SKOR1: variants seen among roughly 807,000 people sequenced by gnomAD.
SKOR1 encodes the protein LBX1 corepressor 1.
SKOR1 carries 38 observed loss-of-function variants against 72.4 expected under a neutral mutation model. The observed-to-expected ratio is 0.52, with a 90% CI of 0.40 to 0.69. The LOEUF (loss-of-function observed/expected upper bound fraction) is 0.69. Among genes scored for constraint, SKOR1 ranks in the 30% least tolerant of loss-of-function variants. The pLI is 0.00. For synonymous variants in SKOR1, 642 were observed against 599.4 expected, an observed-to-expected ratio of 1.07 and a Z score of -1.04; for missense variants, 1,320 against 1,343.2, an observed-to-expected ratio of 0.98 and a Z score of 0.27.
At position 67,827,877 on chromosome 15, in the gene SKOR1, C is replaced by T. The variant is rs748485568; in HGVS notation, c.2049C>T (p.Pro683=). The T allele has an allele frequency of 1.2e-6, 2 of 1,601,290 alleles. No individual in the cohort carries two copies. The highest frequency in any genetic ancestry group is 1.7e-5 in the Admixed American group (1 of 58,206). ...DAQEETEPSA[P]SAGGGPDGEQ... is the part of the protein sequence containing the mutation. ...AAGAGGAGACCGAGCCCAGCGCACC[C>T]AGCGCAGGGGGCGGCCCAGACGGTG... Residue 683 remains proline, a synonymous_variant, in exon 2 of 9, where the codon CCC becomes CCT. Transcript: ENST00000380035.
At position 67,827,998 on chromosome 15, in the gene SKOR1, G is replaced by T; in HGVS notation, c.2170G>T (p.Gly724Trp). ...GGSPRPRRRL[G>W]PPPAGRPAFG... is the part of the protein sequence containing the mutation. ...CAGCCCCCGCCCCCGGCGCCGCCTC[G>T]GGCCACCCCCAGCTGGCCGGCCCGC... The change falls in exon 2 of 9, where the codon GGG becomes TGG. Residue 724 changes from glycine to tryptophan, a missense_variant. Physicochemically the swap from Gly to Trp is radical, Grantham distance 184. This residue lies in a region of SKOR1 where 1,099 missense variants were observed against 1,025.5 expected (regional missense o/e 1.07). Coordinates refer to ENST00000380035, the MANE Select transcript of SKOR1 (RefSeq NM_001365915.1). The T allele has an allele frequency of 6.5e-7, 1 of 1,539,090 alleles. No individual in the cohort carries two copies.
intron 5 of SKOR1, among the ~76,000 whole-genome samples, chr15:67,831,408 G>T (rs2091006820): frequency 6.6e-6 from 1 of 152,194 alleles, no homozygotes; most frequent in African/African-American, 2.4e-5. Context: ...GGGGATCCCT[G>T]TGTTACTGCT....
At chr15:67,828,196 C>A in intron 2 of SKOR1, 52 bp downstream of exon 2, 1 of 1,379,764 alleles carries the variant, frequency 7.2e-7, no homozygotes, top group Non-Finnish European at 9.3e-7. Context: ...ACCCTGTGCG[C>A]GGCAGGGCTG....
intron 3 of SKOR1, 47 bp downstream of exon 3, chr15:67,829,316 A>C: frequency 6.8e-7 from 1 of 1,465,006 alleles, no homozygotes; most frequent in African/African-American, 1.4e-5. Flanking sequence ...GGAACCGCAG[A>C]CAGAGGGCCG....
chr15:67,833,304 C>T lies in SKOR1; in HGVS notation c.2803+47C>T. The T allele has an allele frequency of 6.3e-7, 1 of 1,593,212 alleles. No individual in the cohort carries two copies. Among genetic ancestry groups the T allele is most frequent in the Non-Finnish European group, 8.6e-7 (1 of 1,162,048 alleles). ...GATAGGAGGGGTGCTGGGTGCCGGC[C>T]GTGCTGTCGACTGAATGAATGAATA... On this transcript the variant is annotated intron_variant, in intron 8 of 8. Coordinates refer to ENST00000380035, the MANE Select transcript of SKOR1 (RefSeq NM_001365915.1). The surrounding 1 kb of genome is among the most constrained non-coding windows in gnomAD (Gnocchi z 6.0).
At position 67,833,100 on chromosome 15, in the gene SKOR1, A is replaced by C; in HGVS notation, c.2738-92A>C. On this transcript the variant is annotated intron_variant, in intron 7 of 8. Transcript: ENST00000380035. This position sits in a 1 kb window ranked among gnomAD's most constrained non-coding sequence, Gnocchi z 6.0. ...CTGGAGTTGTTTCTGCGCGGAGCTT[A>C]GCCCTGGGGAGAGGAGGAAGCCCGG... 7.4e-7 allele frequency: 1 copy of C among 1,356,838 alleles called. No individual in the cohort carries two copies. Among genetic ancestry groups the C allele is most frequent in the Non-Finnish European group, 1.0e-6 (1 of 957,484 alleles). The allele number at this position is 1,356,838 out of a possible 1,614,324, so 84.0% of individuals were successfully genotyped here. A position where few individuals can be genotyped will look rare whatever the true frequency, so the allele number is the denominator to read the frequency against.
rs571472667 is a variant in SKOR1, at chr15:67,828,182, A to T, written c.2316+38A>T. ...CCCGCCCCGCCAGTGGCGCCTTCCCACCTACCCTGTGCGCGGCAGGGCTGC... is the reference window on the plus strand; with the variant it reads ...CCCGCCCCGCCAGTGGCGCCTTCCCTCCTACCCTGTGCGCGGCAGGGCTGC... On this transcript the variant is annotated intron_variant, in intron 2 of 8. Coordinates refer to ENST00000380035, the MANE Select transcript of SKOR1 (RefSeq NM_001365915.1). The T allele has an allele frequency of 4.7e-5, 66 of 1,400,158 alleles. 1 individual carries two copies. In the Admixed American group the frequency reaches 2.3e-3, roughly 48 times the overall value. The allele number at this position is 1,400,158 out of a possible 1,614,324, so 86.7% of individuals were successfully genotyped here.
chr15:67,832,324 G>A lies in SKOR1; in HGVS notation c.2638G>A (p.Glu880Lys). The A allele has an allele frequency of 6.2e-7, 1 of 1,614,152 alleles. No individual in the cohort carries two copies. Among genetic ancestry groups the A allele is most frequent in the Non-Finnish European group, 8.5e-7 (1 of 1,180,030 alleles). ...LEQMELRKKL[E>K]REFQSLKDNF... ...ACAAATGGAGCTCCGCAAGAAGCTG[G>A]AACGGGAATTTCAGAGTCTCAAAGG... Residue 880 changes from glutamate to lysine, a missense_variant, in exon 6 of 9, where the codon GAA (glutamate) becomes AAA (lysine). Glu to Lys is a moderately conservative substitution (Grantham distance 56). This residue lies in a region of SKOR1 where 1,099 missense variants were observed against 1,025.5 expected (regional missense o/e 1.07). Transcript: ENST00000380035. This position sits in a 1 kb window ranked among gnomAD's most constrained non-coding sequence, Gnocchi z 4.5.
At chr15:67,831,910 G>GGGGGGGGGGC (rs2091010978) in intron 5 of SKOR1, among the ~76,000 whole-genome samples, 4 of 147,466 alleles carry the variant, frequency 2.7e-5, no homozygotes, top group African/African-American at 1.0e-4. Flanking sequence ...GTGCGGGGGG[G>GGGGGGGGGGC]GGAGGTCGGG....
rs551680898 is a variant in SKOR1, at chr15:67,827,152, G to A, written c.1324G>A (p.Gly442Arg). The A allele has an allele frequency of 1.5e-6, 2 of 1,359,140 alleles. No homozygotes were observed. The highest frequency in any genetic ancestry group is 2.0e-5 in the South Asian group (1 of 50,992). The allele number at this position is 1,359,140 out of a possible 1,614,324, so 84.2% of individuals were successfully genotyped here. The change falls in exon 2 of 9, where the codon GGA becomes AGA. Residue 442 changes from glycine to arginine, a missense_variant. This residue lies in a region of SKOR1 where 1,099 missense variants were observed against 1,025.5 expected (regional missense o/e 1.07). Coordinates refer to ENST00000380035, the MANE Select transcript of SKOR1 (RefSeq NM_001365915.1). ...AGTGGGAGGP[G>R]ASHLPPGAGA... Reference sequence around the variant, plus strand: ...GACAGGCGGGGGTGCGGGGGGCCCGGGAGCCAGCCACTTGCCCCCGGGGGC... The same window carrying A: ...GACAGGCGGGGGTGCGGGGGGCCCGAGAGCCAGCCACTTGCCCCCGGGGGC...
In SKOR1 at chr15:67,825,954, T is replaced by C; in HGVS notation, c.126T>C (p.Ala42=). The C allele has an allele frequency of 6.6e-7, 1 of 1,519,670 alleles. No individual in the cohort carries two copies. The highest frequency in any genetic ancestry group is 8.8e-7 in the Non-Finnish European group (1 of 1,135,928). 94.1% of individuals were successfully genotyped at this position (1,519,670 alleles called of 1,614,324 possible). A position where few individuals can be genotyped will look rare whatever the true frequency, so the allele number is the denominator to read the frequency against. The part of the protein sequence containing the change: ...RAFLRSGGME[A]LTTQLGPGRE... ...TTCGCAGGAGCGGCGGCATGGAGGC[T>C]CTCACCACTCAGCTGGGGCCGGGGC... Residue 42 remains alanine (A), a synonymous_variant, in exon 2 of 9, where the codon GCT becomes GCC. Transcript: ENST00000380035. This position sits in a 1 kb window ranked among gnomAD's most constrained non-coding sequence, Gnocchi z 5.6.
In SKOR1 at chr15:67,827,459, AGAGTGGCCTCGGCGCGGAG is replaced by A; in HGVS notation, c.1635_1653del (p.Gly546AlafsTer83). 1 of 1,521,984 alleles carries A rather than the reference AGAGTGGCCTCGGCGCGGAG, an allele frequency of 6.6e-7. No individual in the cohort carries two copies. Among genetic ancestry groups the A allele is most frequent in the South Asian group, 1.2e-5 (1 of 82,888 alleles). 94.3% of individuals were successfully genotyped at this position (1,521,984 alleles called of 1,614,324 possible). A position where few individuals can be genotyped will look rare whatever the true frequency, so the allele number is the denominator to read the frequency against. On this transcript the variant is annotated frameshift_variant, in exon 2 of 9. Coordinates refer to ENST00000380035, the MANE Select transcript of SKOR1 (RefSeq NM_001365915.1). LOFTEE classifies it high-confidence loss of function. Reference sequence around the variant, plus strand: ...CTGGACGGTGCCGAGCCAGCCAAAGAGAGTGGCCTCGGCGCGGAGGAGCGCTGCCCGAGCGCTCTGTCCC... The same window carrying A: ...CTGGACGGTGCCGAGCCAGCCAAAGAGAGCGCTGCCCGAGCGCTCTGTCCC...
Position 67,829,294 on chromosome 15 carries a change from C to T in SKOR1, c.2407+25C>T, listed in dbSNP as rs961283411. ...GGTAACGCCTGTCGCGGCCGCTGGC[C>T]ACTGTAATGGGGGAACCGCAGACAG... On this transcript the variant is annotated intron_variant, in intron 3 of 8. Transcript: ENST00000380035. The T allele has an allele frequency of 6.5e-6, 10 of 1,529,298 alleles. No homozygotes were observed. In the Middle Eastern group the frequency reaches 5.1e-4, roughly 79 times the overall value. 94.7% of individuals were successfully genotyped at this position (1,529,298 alleles called of 1,614,324 possible).
Position 67,825,977 on chromosome 15 carries a change from G to T in SKOR1, c.149G>T (p.Gly50Val). The T allele has an allele frequency of 1.3e-6, 2 of 1,526,620 alleles. No homozygotes were observed. Among genetic ancestry groups the T allele is most frequent in the East Asian group, 4.5e-5 (2 of 44,092 alleles). The allele number at this position is 1,526,620 out of a possible 1,614,324, so 94.6% of individuals were successfully genotyped here. ...GCTCTCACCACTCAGCTGGGGCCGG[G>T]GCGCGAGGGCAGTTCCTCGCCCAAC... ...MEALTTQLGP[G>V]REGSSSPNSK... is the part of the protein sequence containing the mutation. Residue 50 changes from glycine (G) to valine (V), a missense_variant, in exon 2 of 9, where the codon GGG becomes GTG. Around this residue, in one of 3 missense-constraint regions of SKOR1, gnomAD observed 120 missense variants for 104.9 expected, o/e 1.14. Transcript: ENST00000380035. The surrounding 1 kb of genome is among the most constrained non-coding windows in gnomAD (Gnocchi z 5.6).
rs907890097 is a variant in SKOR1, at chr15:67,832,664, A to G, written c.2720A>G (p.Gln907Arg). The G allele has an allele frequency of 3.1e-6, 5 of 1,614,014 alleles. No homozygotes were observed. Among genetic ancestry groups the G allele is most frequent in the Non-Finnish European group, 4.2e-6 (5 of 1,180,014 alleles). Residue 907 changes from glutamine (Q) to arginine (R), a missense_variant, in exon 7 of 9, where the codon CAG becomes CGG. Physicochemically the swap from Gln to Arg is conservative, Grantham distance 43 (BLOSUM62 1). Around this residue, in one of 3 missense-constraint regions of SKOR1, gnomAD observed 1,099 missense variants for 1,025.5 expected, o/e 1.07. Coordinates refer to ENST00000380035, the MANE Select transcript of SKOR1 (RefSeq NM_001365915.1). This position sits in a 1 kb window ranked among gnomAD's most constrained non-coding sequence, Gnocchi z 4.5. Reference sequence around the variant, plus strand: ...GCTTATCGAGAAGAAATGGTGCAACAGCTGCAAATTGTCAGAGGTAAGACG... The same window carrying G: ...GCTTATCGAGAAGAAATGGTGCAACGGCTGCAAATTGTCAGAGGTAAGACG... ...ELAYREEMVQ[Q>R]LQIVRDTLCN...
Position 67,827,990 on chromosome 15 carries a change from G to C in SKOR1, c.2162G>C (p.Arg721Pro), listed in dbSNP as rs1454009896. 6.5e-7 allele frequency: 1 copy of C among 1,537,168 alleles called. No individual in the cohort carries two copies. The change falls in exon 2 of 9, where the codon CGC becomes CCC. Residue 721 changes from arginine to proline, a missense_variant. Transcript: ENST00000380035. ...SPDGGSPRPR[R>P]RLGPPPAGRP... Reference sequence around the variant, plus strand: ...GACGGCGGCAGCCCCCGCCCCCGGCGCCGCCTCGGGCCACCCCCAGCTGGC... The same window carrying C: ...GACGGCGGCAGCCCCCGCCCCCGGCCCCGCCTCGGGCCACCCCCAGCTGGC...
At position 67,832,121 on chromosome 15, in the gene SKOR1, G is replaced by A. The variant is rs1032668164; in HGVS notation, c.2588-153G>A. Among the ~76,000 whole-genome samples, 3 of 152,276 alleles carry A rather than the reference G, an allele frequency of 2.0e-5. No homozygotes were observed. Among genetic ancestry groups the A allele is most frequent in the Non-Finnish European group, 4.4e-5 (3 of 68,036 alleles). On this transcript the variant is annotated intron_variant, in intron 5 of 8. Transcript: ENST00000380035. This position sits in a 1 kb window ranked among gnomAD's most constrained non-coding sequence, Gnocchi z 4.5. ...CCCAGTTTCTTCACCCAAATCCTTT[G>A]AATGCAGTTGGTAAAGCCAGAGAGC...
Position 67,827,124 on chromosome 15 carries a change from G to A in SKOR1, c.1296G>A (p.Ala432=), listed in dbSNP as rs1020445926. The A allele has an allele frequency of 2.1e-6, 3 of 1,400,870 alleles. No individual in the cohort carries two copies. The highest frequency in any genetic ancestry group is 2.8e-5 in the East Asian group (1 of 36,294). 86.8% of individuals were successfully genotyped at this position (1,400,870 alleles called of 1,614,324 possible). ...GPGTGSGGGG[A]GTGGGAGGPG... ...GCACTGGGAGCGGCGGCGGCGGCGC[G>A]GGGACAGGCGGGGGTGCGGGGGGCC... Residue 432 remains alanine, a synonymous_variant, in exon 2 of 9, where the codon GCG becomes GCA. Transcript: ENST00000380035.
intron 3 of SKOR1, 56 bp from the exon 4 acceptor site, chr15:67,830,135 A>G: frequency 6.4e-7 from 1 of 1,570,194 alleles, no homozygotes; most frequent in Non-Finnish European, 8.8e-7. Flanking sequence ...CAGCTCCGGC[A>G]GTATCCGGGT....
Sources: allele counts gnomAD v4.1 joint callset (sites outside exome capture counted in the v4.1 genomes callset), GRCh38; gene constraint gnomAD v4.1.1; regional missense constraint gnomAD v4.1.1; non-coding constraint Gnocchi (gnomAD v3.1); transcripts MANE v1.5; gene names NCBI Gene and HGNC (gene_info 2026-07-23, HGNC 2026-07-21).